Variants in RASGRF2 observed in about 807,000 individuals in gnomAD.
The protein encoded by RASGRF2 is ras-specific guanine nucleotide-releasing factor 2.
Under a neutral mutation model 151.0 loss-of-function variants are expected in RASGRF2, and 76 were observed. That is an observed-to-expected ratio of 0.50 (90% CI 0.42 to 0.61). The LOEUF is 0.61. RASGRF2 is among the 20% of genes least tolerant of loss of function. RASGRF2 has a pLI of 0.00. For synonymous variants in RASGRF2, 504 were observed against 566.5 expected (o/e 0.89, Z 1.57); for missense variants, 1,148 against 1,564.6 (o/e 0.73, Z 4.49).
intron 1 of RASGRF2, among the ~76,000 whole-genome samples, chr5:80,972,368 T>C (rs1191322955): frequency 6.6e-6 from 1 of 152,228 alleles, no homozygotes; most frequent in East Asian, 1.9e-4. Context: ...GGATTTTAGT[T>C]GTAAGCATTC....
chr5:81,058,749 C>G (rs1751312388), intron 2 of RASGRF2, among the ~76,000 whole-genome samples: 2 of 135,112 alleles, frequency 1.5e-5, no homozygotes, highest in African/African-American at 2.8e-5. Context: ...GTACTCCAGC[C>G]TGGGCAACAG....
chr5:81,062,122 A>G (rs1034218903), intron 2 of RASGRF2, among the ~76,000 whole-genome samples: 1 of 152,094 alleles, frequency 6.6e-6, no homozygotes, highest in Non-Finnish European at 1.5e-5. Context: ...GATTGTAAGC[A>G]TAGGCCACTG....
intron 17 of RASGRF2, among the ~76,000 whole-genome samples, chr5:81,159,848 A>G (rs13361744): frequency 0.022 from 3,352 of 152,304 alleles, 115 homozygotes; most frequent in South Asian, 0.09. Context: ...ATTAGTGACT[A>G]GTGTCCATGC....
At position 81,031,627 on chromosome 5, in the gene RASGRF2, A is replaced by G. The variant is rs890210170; in HGVS notation, c.289-11250A>G. Reference sequence around the variant, plus strand: ...GAGAACAAAGACACCACATACCCAAATCTCTGGGACACATTTAAAGCAGTG... The same window carrying G: ...GAGAACAAAGACACCACATACCCAAGTCTCTGGGACACATTTAAAGCAGTG... On this transcript the variant is annotated intron_variant, in intron 1 of 26. Coordinates refer to ENST00000265080, the MANE Select transcript of RASGRF2 (RefSeq NM_006909.3). Among the ~76,000 whole-genome samples, 54 of 152,310 alleles carry G rather than the reference A, an allele frequency of 3.5e-4. 1 individual carries two copies. Among genetic ancestry groups the G allele is most frequent in the African/African-American group, 1.3e-3 (52 of 41,562 alleles).
At chr5:81,045,600 A>T (rs1750811147) in intron 2 of RASGRF2, among the ~76,000 whole-genome samples, 1 of 152,124 alleles carries the variant, frequency 6.6e-6, no homozygotes, top group African/African-American at 2.4e-5. Context: ...TTTGGTTAAT[A>T]ATTGACTTTT....
intron 18 of RASGRF2, among the ~76,000 whole-genome samples, chr5:81,200,426 A>G (rs573136950): frequency 1.3e-4 from 20 of 152,230 alleles, no homozygotes; most frequent in African/African-American, 3.9e-4. Context: ...TGATGCTCAT[A>G]TTGTCCCAAC....
At chr5:81,134,403 A>G (rs1360478093) in intron 17 of RASGRF2, among the ~76,000 whole-genome samples, 1 of 151,902 alleles carries the variant, frequency 6.6e-6, no homozygotes, top group East Asian at 1.9e-4. Context: ...ATCACCTTGG[A>G]CGGTTTCTCT....
In RASGRF2 at chr5:81,123,755, C is replaced by A; in HGVS notation, c.2584C>A (p.Arg862=). The change falls in exon 16 of 27, where the codon CGA becomes AGA. Residue 862 remains arginine (R), a synonymous_variant. Transcript: ENST00000265080. ...SPSTPRHLRY[R]QPGGQTADNA... ...CTCAACTCCTCGGCACCTCCGCTAT[C>A]GACAGCCTGGAGGTAAGAGCTCAAG... The A allele has an allele frequency of 1.2e-6, 2 of 1,613,662 alleles. No homozygotes were observed. Among genetic ancestry groups the A allele is most frequent in the South Asian group, 2.2e-5 (2 of 91,004 alleles).
chr5:81,078,703 T>C (rs1202918771), intron 5 of RASGRF2, among the ~76,000 whole-genome samples: 3 of 152,230 alleles, frequency 2.0e-5, no homozygotes, highest in Non-Finnish European at 4.4e-5. Context: ...CCTATTTATA[T>C]ACAGAATTGT....
intron 23 of RASGRF2, among the ~76,000 whole-genome samples, chr5:81,215,029 T>C (rs1180383228): frequency 2.0e-5 from 3 of 152,158 alleles, no homozygotes; most frequent in Admixed American, 1.3e-4. Context: ...CTGTCTGACA[T>C]GAGACCTCTC....
chr5:81,094,796 A>G, intron 11 of RASGRF2, 60 bp from the exon 12 acceptor site: 1 of 1,492,986 alleles, frequency 6.7e-7, no homozygotes, highest in Non-Finnish European at 9.3e-7. Flanking sequence ...ATGTGAAGGC[A>G]GCTATCACTC....
At chr5:81,094,720 G>C in intron 11 of RASGRF2, 136 bp from the exon 12 acceptor site, 1 of 942,818 alleles carries the variant, frequency 1.1e-6, no homozygotes, top group Non-Finnish European at 1.6e-6. Context: ...CTTCATGCCT[G>C]AGAAGTACGA....
At chr5:81,130,730 G>C (rs1753595029) in intron 17 of RASGRF2, among the ~76,000 whole-genome samples, 1 of 122,908 alleles carries the variant, frequency 8.1e-6, no homozygotes, top group African/African-American at 3.8e-5. Flanking sequence ...TGCCAGCCCG[G>C]ATGCATCCAG....
chr5:81,008,652 T>C (rs1270324342), intron 1 of RASGRF2, among the ~76,000 whole-genome samples: 1 of 152,140 alleles, frequency 6.6e-6, no homozygotes, highest in South Asian at 2.1e-4. Flanking sequence ...GATAAAATAA[T>C]GGATAAAATG....
intron 15 of RASGRF2, among the ~76,000 whole-genome samples, chr5:81,116,766 C>CAT (rs1483263721): frequency 6.6e-6 from 1 of 152,174 alleles, no homozygotes; most frequent in Non-Finnish European, 1.5e-5. Flanking sequence ...TTAAGTACCT[C>CAT]ATATATGTGG....
intron 7 of RASGRF2, among the ~76,000 whole-genome samples, chr5:81,083,119 C>T (rs1233031696): frequency 1.3e-5 from 2 of 152,200 alleles, no homozygotes; most frequent in Non-Finnish European, 2.9e-5. Flanking sequence ...GCAGTTCTTT[C>T]ACTAATGAAG....
At chr5:81,082,258 T>C (rs1752108286) in intron 7 of RASGRF2, among the ~76,000 whole-genome samples, 1 of 152,180 alleles carries the variant, frequency 6.6e-6, no homozygotes, top group African/African-American at 2.4e-5. Flanking sequence ...GAGCTGTACT[T>C]TCGCTGTAGA....
chr5:81,144,759 T>C (rs1753965432), intron 17 of RASGRF2, among the ~76,000 whole-genome samples: 1 of 152,192 alleles, frequency 6.6e-6, no homozygotes, highest in South Asian at 2.1e-4. Flanking sequence ...TAGTTAATAT[T>C]ACTATACTCA....
chr5:81,172,959 T>C (rs943599371), intron 17 of RASGRF2, among the ~76,000 whole-genome samples: 9 of 152,176 alleles, frequency 5.9e-5, no homozygotes, highest in African/African-American at 1.9e-4. Context: ...AAATGAGATC[T>C]GAATCTAGAA....
Sources: gnomAD v4.1 joint callset for allele counts (sites outside exome capture counted in the v4.1 genomes callset) on GRCh38, gnomAD v4.1.1 for gene constraint, MANE v1.5 for transcripts, NCBI Gene and HGNC (gene_info 2026-07-23, HGNC 2026-07-21) for gene names.